Variants in ALMS1 observed in about 807,000 individuals in gnomAD.
ALMS1 encodes the protein centrosome-associated protein ALMS1.
In ALMS1, 271 loss-of-function variants were observed where a neutral mutation model predicts 352.2. The observed-to-expected ratio is 0.77, with a 90% CI of 0.70 to 0.85. The LOEUF (loss-of-function observed/expected upper bound fraction) is 0.85. Ranked by LOEUF, ALMS1 falls within the 40% of genes least tolerant of loss-of-function variation. The probability of loss-of-function intolerance (pLI) is 0.00; values close to 1 mark genes in which losing one functional copy is unlikely to be tolerated. For missense variants in ALMS1, 5,445 were observed against 4,870.7 expected, an observed-to-expected ratio of 1.12 and a Z score of -3.51; for synonymous variants, 1,865 against 1,761.2, an observed-to-expected ratio of 1.06 and a Z score of -1.48.
chr2:73,426,468 AG>A lies in ALMS1; in HGVS notation c.1255del (p.Val419LeufsTer11). The stretch of plus-strand genomic sequence containing the variant: ...TATTTTGTAGAGGGCCTGCAGGGGA[AG>A]GTTGAGTCTGACGTCATTACTCTGG... Reference protein sequence around the residue: ...ETYLTKGLQGKVESDVITLDG... With the variant: ...ETYLTKGLQGXVESDVITLDG... On this transcript the variant is annotated frameshift_variant, in exon 6 of 23. Transcript: ENST00000613296. LOFTEE classifies it high-confidence loss of function. The A allele has an allele frequency of 6.2e-7, 1 of 1,614,106 alleles. No homozygotes were observed. Among genetic ancestry groups the A allele is most frequent in the Non-Finnish European group, 8.5e-7 (1 of 1,179,942 alleles).
Position 73,519,877 on chromosome 2 carries a change from T to G in ALMS1, c.9642T>G (p.Phe3214Leu). 6.2e-7 allele frequency: 1 copy of G among 1,614,098 alleles called. No homozygotes were observed. Among genetic ancestry groups the G allele is most frequent in the Non-Finnish European group, 8.5e-7 (1 of 1,179,962 alleles). ...ITTESPEKTL[F>L]SSEIFINAED... is the part of the protein sequence containing the mutation. ...CAGAAAGTCCAGAAAAGACCCTATT[T>G]TCATCTGAGATTTTTATTAATGCTG... Residue 3214 changes from phenylalanine (F) to leucine (L), a missense_variant, in exon 11 of 23, where the codon TTT becomes TTG. Phe to Leu is a conservative substitution (Grantham distance 22). Transcript: ENST00000613296.
chr2:73,592,523 G>A lies in ALMS1; in HGVS notation c.11548-6878G>A, dbSNP rs1573046576. On this transcript the variant is annotated intron_variant, in intron 16 of 22. Transcript: ENST00000613296. ...TTGACTCTGACTGTTTTATCAATGT[G>A]TGTCTCTGGTCCTAAGCCTGAGTGA... Among the ~76,000 whole-genome samples, 4 of 152,262 alleles carry A rather than the reference G, an allele frequency of 2.6e-5. No homozygotes were observed. In the South Asian group the frequency reaches 8.3e-4, roughly 32 times the overall value.
intron 9 of ALMS1, among the ~76,000 whole-genome samples, chr2:73,488,867 G>T (rs143377926): frequency 2.0e-5 from 3 of 152,254 alleles, no homozygotes; most frequent in Non-Finnish European, 4.4e-5. Flanking sequence ...GATCCTATGC[G>T]CCAGGAAACA....
At chr2:73,527,726 C>A (rs780748010) in intron 11 of ALMS1, among the ~76,000 whole-genome samples, 1 of 151,840 alleles carries the variant, frequency 6.6e-6, no homozygotes, top group Non-Finnish European at 1.5e-5. Flanking sequence ...TTTCATTTTG[C>A]GATGTTTTTC....
At chr2:73,525,971 G>T (rs911622857) in intron 11 of ALMS1, among the ~76,000 whole-genome samples, 3 of 152,220 alleles carry the variant, frequency 2.0e-5, no homozygotes, top group South Asian at 4.2e-4. Flanking sequence ...AAAGATAGAG[G>T]TTTAGCTTTA....
intron 16 of ALMS1, chr2:73,573,672 A>G (rs571291869): frequency 1.6e-6 from 1 of 621,898 alleles, no homozygotes. Flanking sequence ...ACAGTCTGCA[A>G]AGTTTACCCC....
intron 7 of ALMS1, among the ~76,000 whole-genome samples, chr2:73,441,754 T>A (rs1020017918): frequency 1.2e-4 from 18 of 152,056 alleles, no homozygotes; most frequent in Non-Finnish European, 5.9e-5. Context: ...CCTTAGCTAG[T>A]CTGCGTTTCA....
At chr2:73,442,451 TTC>T (rs1246678640) in intron 7 of ALMS1, among the ~76,000 whole-genome samples, 29 of 152,178 alleles carry the variant, frequency 1.9e-4, no homozygotes, top group Non-Finnish European at 1.2e-4. Flanking sequence ...TTCCATATTG[TTC>T]TCTCTGTTTC....
At chr2:73,410,112 G>C (rs1671047289) in intron 2 of ALMS1, among the ~76,000 whole-genome samples, 1 of 152,036 alleles carries the variant, frequency 6.6e-6, no homozygotes, top group South Asian at 2.1e-4. Context: ...TCACAGGCCA[G>C]GAACAGTGGC....
chr2:73,496,780 T>G (rs560764760), intron 10 of ALMS1, among the ~76,000 whole-genome samples: 1 of 152,326 alleles, frequency 6.6e-6, no homozygotes, highest in East Asian at 1.9e-4. Flanking sequence ...TTTATAGTTG[T>G]ACAGTGGTAT....
At chr2:73,471,516 A>G (rs975177209) in intron 9 of ALMS1, among the ~76,000 whole-genome samples, 3 of 145,772 alleles carry the variant, frequency 2.1e-5, no homozygotes, top group Non-Finnish European at 1.5e-5. Context: ...AAAAATCCCC[A>G]AAACAAAAAA....
At chr2:73,462,112 A>G (rs1470626315) in intron 9 of ALMS1, among the ~76,000 whole-genome samples, 2 of 152,190 alleles carry the variant, frequency 1.3e-5, no homozygotes, top group East Asian at 3.9e-4. Context: ...GAACGCCACA[A>G]AGATACTCCT....
intron 16 of ALMS1, among the ~76,000 whole-genome samples, chr2:73,590,872 G>T (rs1345128161): frequency 3.3e-5 from 5 of 151,482 alleles, no homozygotes; most frequent in Non-Finnish European, 7.4e-5. Flanking sequence ...GTAGAGACGG[G>T]GTTTCACCAT....
At chr2:73,431,055 C>G (rs1671489683) in intron 6 of ALMS1, among the ~76,000 whole-genome samples, 1 of 151,988 alleles carries the variant, frequency 6.6e-6, no homozygotes, top group African/African-American at 2.4e-5. Context: ...TTGGATAATT[C>G]TTTGTTATGG....
Position 73,608,551 on chromosome 2 carries a change from C to G in ALMS1, c.12439C>G (p.Leu4147Val), listed in dbSNP as rs768206918. The change falls in exon 22 of 23, where the codon CTG becomes GTG. Residue 4147 changes from leucine (L) to valine (V), a missense_variant. Coordinates refer to ENST00000613296, the MANE Select transcript of ALMS1 (RefSeq NM_001378454.1). Reference sequence around the variant, plus strand: ...AAAATCAGAATATAAGTCATACCGGCTGCGAGCCCAGCTATATAAAAAGGT... The same window carrying G: ...AAAATCAGAATATAAGTCATACCGGGTGCGAGCCCAGCTATATAAAAAGGT... ...KRKSEYKSYR[L>V]RAQLYKKRVT... is the part of the protein sequence containing the mutation. The G allele has an allele frequency of 6.2e-7, 1 of 1,614,010 alleles. No homozygotes were observed. The highest frequency in any genetic ancestry group is 8.5e-7 in the Non-Finnish European group (1 of 1,179,938).
At chr2:73,588,875 C>T (rs1161572192) in intron 16 of ALMS1, among the ~76,000 whole-genome samples, 1 of 151,962 alleles carries the variant, frequency 6.6e-6, no homozygotes, top group Non-Finnish European at 1.5e-5. Flanking sequence ...CTTTACATGC[C>T]TATATACGAA....
Position 73,450,330 on chromosome 2 carries a change from C to A in ALMS1, c.3803C>A (p.Ala1268Asp). 1 of 1,613,064 alleles carries A rather than the reference C, an allele frequency of 6.2e-7. No homozygotes were observed. The highest frequency in any genetic ancestry group is 8.5e-7 in the Non-Finnish European group (1 of 1,179,800). ...PTEEALKISV[A>D]SEPVDQTTGT... ...GAAGAGGCTCTGAAAATTTCAGTTG[C>A]CTCTGAACCAGTTGACCAGACAACT... Residue 1268 changes from alanine (A) to aspartate (D), a missense_variant, in exon 8 of 23, where the codon GCC becomes GAC. Physicochemically the swap from Ala to Asp is moderately radical, Grantham distance 126. Transcript: ENST00000613296.
At chr2:73,467,283 A>G (rs552823110) in intron 9 of ALMS1, among the ~76,000 whole-genome samples, 8 of 152,242 alleles carry the variant, frequency 5.3e-5, no homozygotes, top group Non-Finnish European at 7.4e-5. Context: ...AGTCATGCAA[A>G]TCAATTATTC....
chr2:73,477,981 A>C (rs1672616435), intron 9 of ALMS1, among the ~76,000 whole-genome samples: 1 of 152,202 alleles, frequency 6.6e-6, no homozygotes, highest in Non-Finnish European at 1.5e-5. Flanking sequence ...CCCTGGCAAT[A>C]TGTAACATCC....
Sources: allele counts gnomAD v4.1 joint callset (sites outside exome capture counted in the v4.1 genomes callset), GRCh38; gene constraint gnomAD v4.1.1; transcripts MANE v1.5; gene names NCBI Gene and HGNC (gene_info 2026-07-23, HGNC 2026-07-21).